IL1RAPL1: variants seen among roughly 807,000 people sequenced by gnomAD.
IL1RAPL1 encodes the protein interleukin-1 receptor accessory protein-like 1.
In IL1RAPL1, 3 loss-of-function variants were observed where a neutral mutation model predicts 48.4. That is an observed-to-expected ratio of 0.06 (90% confidence interval 0.03 to 0.16). The LOEUF (loss-of-function observed/expected upper bound fraction) is 0.16. Among genes scored for constraint, IL1RAPL1 ranks in the 10% least tolerant of loss-of-function variants. IL1RAPL1 has a pLI of 1.00. For missense variants in IL1RAPL1, 349 were observed against 530.6 expected (o/e 0.66, Z 3.36); for synonymous variants, 185 against 187.7 (o/e 0.99, Z 0.12).
At chrX:29,499,283 A>C (rs1935246940) in intron 5 of IL1RAPL1, among the ~76,000 whole-genome samples, 1 of 112,227 alleles carries the variant, frequency 8.9e-6, no homozygotes, top group African/African-American at 3.2e-5. Context: ...GCTTAGGAGT[A>C]ATAACCCATT....
At chrX:29,809,614 A>G (rs1301916378) in intron 6 of IL1RAPL1, among the ~76,000 whole-genome samples, 1 of 109,661 alleles carries the variant, frequency 9.1e-6, no homozygotes, top group Non-Finnish European at 1.9e-5. Context: ...TCATTTCTTT[A>G]TGCAGTCAAT....
chrX:28,860,709 C>G (rs374473533), intron 2 of IL1RAPL1, among the ~76,000 whole-genome samples: 2 of 110,621 alleles, frequency 1.8e-5, no homozygotes, highest in Admixed American at 9.6e-5. Context: ...TCCGCCCCCC[C>G]GCTTAGCCTC....
intron 1 of IL1RAPL1, among the ~76,000 whole-genome samples, chrX:28,670,913 A>G (rs891140693): frequency 8.9e-6 from 1 of 112,284 alleles, no homozygotes; most frequent in African/African-American, 3.2e-5. Context: ...ATAAATATCT[A>G]TAGCACACCT....
At chrX:29,085,090 G>C (rs1210233121) in intron 2 of IL1RAPL1, among the ~76,000 whole-genome samples, 1 of 111,906 alleles carries the variant, frequency 8.9e-6, no homozygotes, top group Non-Finnish European at 1.9e-5. Flanking sequence ...TAACTTTAGT[G>C]GTGATCCAAT....
chrX:28,777,733 C>T (rs1936375089), intron 1 of IL1RAPL1, among the ~76,000 whole-genome samples: 1 of 110,724 alleles, frequency 9.0e-6, no homozygotes, highest in Non-Finnish European at 1.9e-5. Flanking sequence ...AGTGATTAAA[C>T]TTGTGATCTG....
intron 2 of IL1RAPL1, among the ~76,000 whole-genome samples, chrX:29,060,649 C>T (rs2147432814): frequency 9.0e-6 from 1 of 111,701 alleles, no homozygotes; most frequent in African/African-American, 3.2e-5. Flanking sequence ...CATATTCTTG[C>T]TCCTCAAACA....
intron 6 of IL1RAPL1, among the ~76,000 whole-genome samples, chrX:29,784,367 C>G (rs899069243): frequency 1.8e-5 from 2 of 110,870 alleles, no homozygotes; most frequent in Non-Finnish European, 3.8e-5. Flanking sequence ...CTTTGGTACC[C>G]CACTATACCT....
chrX:29,700,038 T>C (rs940912510), intron 6 of IL1RAPL1, among the ~76,000 whole-genome samples: 2 of 111,626 alleles, frequency 1.8e-5, no homozygotes, highest in South Asian at 7.5e-4. Flanking sequence ...CTTGTGTTAT[T>C]CAGTTGACCC....
Position 29,619,558 on chromosome X carries a change from A to G in IL1RAPL1, c.704-48872A>G, listed in dbSNP as rs150263299. 1.5e-3 allele frequency among the ~76,000 whole-genome samples: 167 copies of G among 111,887 alleles called. 2 individuals are homozygous for G. The highest frequency in any genetic ancestry group is 5.2e-3 in the African/African-American group (160 of 30,952). ...TGCATCTTTTTTGAGTGCCAAAGAC[A>G]TAAGTTCAGCTATGAATACATTCTG... On this transcript the variant is annotated intron_variant, in intron 5 of 10. Transcript: ENST00000378993.
At chrX:29,631,455 A>AT (rs1213511408) in intron 5 of IL1RAPL1, among the ~76,000 whole-genome samples, 1 of 110,778 alleles carries the variant, frequency 9.0e-6, no homozygotes, top group African/African-American at 3.3e-5. Flanking sequence ...CTATTTTGTA[A>AT]TTTTTTGTAG....
At chrX:29,740,122 G>GAAAAAAAAAAAAAAAAAA (rs1172511347) in intron 6 of IL1RAPL1, among the ~76,000 whole-genome samples, 1 of 52,329 alleles carries the variant, frequency 1.9e-5, no homozygotes, top group Non-Finnish European at 3.7e-5. Flanking sequence ...CAAAAAAACA[G>GAAAAAAAAAAAAAAAAAA]AAAAAAAAAA....
chrX:29,041,501 A>G (rs1010936077), intron 2 of IL1RAPL1, among the ~76,000 whole-genome samples: 6 of 112,175 alleles, frequency 5.3e-5, no homozygotes, highest in African/African-American at 1.6e-4. Context: ...AGAAAATTTT[A>G]CAGTTAAACG....
At chrX:29,232,162 ATT>A (rs2147558580) in intron 2 of IL1RAPL1, among the ~76,000 whole-genome samples, 1 of 111,792 alleles carries the variant, frequency 8.9e-6, no homozygotes, top group Admixed American at 9.5e-5. Context: ...ATGTTAGTGA[ATT>A]TTGTTTTTGT....
At chrX:28,935,270 C>T (rs752293708) in intron 2 of IL1RAPL1, among the ~76,000 whole-genome samples, 7 of 110,904 alleles carry the variant, frequency 6.3e-5, no homozygotes, top group East Asian at 5.7e-4. Flanking sequence ...TTTAGTTAAT[C>T]GATCGATTTA....
chrX:29,630,485 C>T (rs1924739532), intron 5 of IL1RAPL1, among the ~76,000 whole-genome samples: 1 of 111,372 alleles, frequency 9.0e-6, no homozygotes, highest in South Asian at 3.8e-4. Flanking sequence ...ATTTCACTAC[C>T]AGTCTCTTAT....
At chrX:29,212,791 T>C (rs1276077284) in intron 2 of IL1RAPL1, among the ~76,000 whole-genome samples, 2 of 112,387 alleles carry the variant, frequency 1.8e-5, no homozygotes, top group Non-Finnish European at 3.8e-5. Flanking sequence ...ATATTTACTG[T>C]TCATTAACTG....
chrX:29,398,765 C>G (rs775689431), intron 4 of IL1RAPL1, among the ~76,000 whole-genome samples: 2 of 111,838 alleles, frequency 1.8e-5, no homozygotes, highest in African/African-American at 6.5e-5. Context: ...GTTGATTTCA[C>G]AATAATGAAA....
intron 2 of IL1RAPL1, among the ~76,000 whole-genome samples, chrX:29,135,112 A>G (rs1436908770): frequency 1.8e-5 from 2 of 112,037 alleles, no homozygotes; most frequent in Non-Finnish European, 3.8e-5. Flanking sequence ...CATTAAAGTT[A>G]AGATCCAATA....
At chrX:29,012,553 A>G (rs950969799) in intron 2 of IL1RAPL1, among the ~76,000 whole-genome samples, 1 of 111,575 alleles carries the variant, frequency 9.0e-6, no homozygotes, top group Non-Finnish European at 1.9e-5. Context: ...TCAAAAAAAA[A>G]TCAGATTTAT....
Sources: gnomAD v4.1 joint callset for allele counts (sites outside exome capture counted in the v4.1 genomes callset) on GRCh38, gnomAD v4.1.1 for gene constraint, MANE v1.5 for transcripts, NCBI Gene and HGNC (gene_info 2026-07-23, HGNC 2026-07-21) for gene names.